Variants in FBLN1 observed in about 807,000 individuals in gnomAD.
FBLN1 encodes fibulin-1.
Under a neutral mutation model 89.7 loss-of-function variants are expected in FBLN1, and 34 were observed. That is an observed-to-expected ratio of 0.38 (90% CI 0.29 to 0.50). The LOEUF (loss-of-function observed/expected upper bound fraction) is 0.50. Among genes scored for constraint, FBLN1 ranks in the 20% least tolerant of loss-of-function variants. The pLI is 0.92. For synonymous variants in FBLN1, 393 were observed against 391.3 expected (o/e 1.00, Z -0.05); for missense variants, 777 against 988.1 (o/e 0.79, Z 2.86).
At chr22:45,521,035 C>G (rs147658827) in intron 2 of FBLN1, among the ~76,000 whole-genome samples, 6 of 151,984 alleles carry the variant, frequency 3.9e-5, no homozygotes, top group African/African-American at 1.2e-4. Flanking sequence ...AGGCTGGTCT[C>G]GAACTCCTGA....
rs1290235767 is a variant in FBLN1 at position 45,583,109 on chromosome 22, T to C, written c.1972+6001T>C. 6.6e-6 allele frequency among the ~76,000 whole-genome samples: 1 copy of C among 152,156 alleles called. No individual in the cohort carries two copies. The highest frequency in any genetic ancestry group is 1.5e-5 in the Non-Finnish European group (1 of 68,016). On this transcript the variant is annotated intron_variant, in intron 16 of 16. Transcript: ENST00000327858. This position sits in a 1 kb window ranked among gnomAD's most constrained non-coding sequence, Gnocchi z 4.5. Reference sequence around the variant, plus strand: ...TGGGACAGCCACCCTGGGGCTGGTATCACCATTTATGTAAGAAAAAAAAGG... The same window carrying C: ...TGGGACAGCCACCCTGGGGCTGGTACCACCATTTATGTAAGAAAAAAAAGG...
At chr22:45,535,952 G>A (rs2088478007) in intron 8 of FBLN1, among the ~76,000 whole-genome samples, 1 of 152,240 alleles carries the variant, frequency 6.6e-6, no homozygotes, top group Admixed American at 6.5e-5. Flanking sequence ...GGAGGCCAAG[G>A]CAGGAGGATT....
At chr22:45,565,384 A>AGGGCAAGCCTCCCCGTG in intron 14 of FBLN1, 1 of 897,612 alleles carries the variant, frequency 1.1e-6, no homozygotes, top group Non-Finnish European at 1.5e-6. Context: ...CCCCACGGGG[A>AGGGCAAGCCTCCCCGTG]GGCTTGCCCT....
intron 14 of FBLN1, chr22:45,564,955 G>A: frequency 6.2e-7 from 1 of 1,614,160 alleles, no homozygotes. Flanking sequence ...GTTCTTCCAT[G>A]GAAGCAGGGG....
chr22:45,585,684 C>T (rs1273728569), intron 16 of FBLN1, among the ~76,000 whole-genome samples: 3 of 152,188 alleles, frequency 2.0e-5, no homozygotes, highest in African/African-American at 7.2e-5. Context: ...GGATCAGCTG[C>T]GGCCTGACTC....
chr22:45,520,597 C>T (rs1166616043), intron 2 of FBLN1, among the ~76,000 whole-genome samples: 2 of 152,152 alleles, frequency 1.3e-5, no homozygotes, highest in African/African-American at 4.8e-5. Flanking sequence ...TTTGGGAAGA[C>T]ACAATTTAGC....
At chr22:45,529,791 T>C (rs2350959) in intron 4 of FBLN1, among the ~76,000 whole-genome samples, 23,544 of 152,122 alleles carry the variant, frequency 0.15, 2,392 homozygotes, top group African/African-American at 0.29. Flanking sequence ...CGCTTGAACC[T>C]GGGAGGCGGA....
rs1012505598 is a variant in FBLN1, at chr22:45,600,559, A to G, written c.*113A>G. On this transcript the variant is annotated 3_prime_UTR_variant, in exon 17 of 17. Coordinates refer to ENST00000327858, the MANE Select transcript of FBLN1 (RefSeq NM_006486.3). ...GACTTTTTTAATGTTAGGTATTTGT[A>G]GCATTAGGCCAACATGTATTAAGCT... 10 of 1,228,840 alleles carry G rather than the reference A, an allele frequency of 8.1e-6. No homozygotes were observed. In the African/African-American group the frequency reaches 1.0e-4, roughly 13 times the overall value. The allele number at this position is 1,228,840 out of a possible 1,614,324, so 76.1% of individuals were successfully genotyped here.
intron 16 of FBLN1, among the ~76,000 whole-genome samples, chr22:45,599,874 G>A (rs537654097): frequency 1.3e-5 from 2 of 152,168 alleles, no homozygotes; most frequent in African/African-American, 2.4e-5. Flanking sequence ...CCGAGATCAC[G>A]CCATTGCACT....
At chr22:45,541,452 A>G in intron 9 of FBLN1, 80 bp downstream of exon 9, 1 of 1,570,118 alleles carries the variant, frequency 6.4e-7, no homozygotes, top group Non-Finnish European at 8.7e-7. Flanking sequence ...GGAAGCAGAA[A>G]GTTGATCCCC....
chr22:45,504,342 G>A (rs948351071), intron 1 of FBLN1, among the ~76,000 whole-genome samples: 1 of 152,164 alleles, frequency 6.6e-6, no homozygotes, highest in Non-Finnish European at 1.5e-5. Flanking sequence ...ACCTCGTGGG[G>A]TTGGAGATGG....
At chr22:45,535,735 A>AT (rs1260402148) in intron 8 of FBLN1, among the ~76,000 whole-genome samples, 4 of 152,154 alleles carry the variant, frequency 2.6e-5, no homozygotes, top group African/African-American at 4.8e-5. Context: ...CTGAGCTTTA[A>AT]TTTTTTCCTC....
chr22:45,516,314 A>C (rs2088169307), intron 1 of FBLN1, among the ~76,000 whole-genome samples: 1 of 151,910 alleles, frequency 6.6e-6, no homozygotes, highest in South Asian at 2.1e-4. Flanking sequence ...ACAGATGGGA[A>C]CTGGGCTTGG....
chr22:45,530,764 A>C lies in FBLN1; in HGVS notation c.485-501A>C, dbSNP rs1181114343. Among the ~76,000 whole-genome samples the C allele has an allele frequency of 6.8e-6, 1 of 147,652 alleles. No individual in the cohort carries two copies. Among genetic ancestry groups the C allele is most frequent in the African/African-American group, 2.6e-5 (1 of 38,340 alleles). On this transcript the variant is annotated intron_variant, in intron 4 of 16. Transcript: ENST00000327858. This position sits in a 1 kb window ranked among gnomAD's most constrained non-coding sequence, Gnocchi z 5.4. ...TTGTGTCTGTGGTCTTTCTGTTATA[A>C]CTGATCTTTTTTTTTTGAAACGGAG...
chr22:45,552,896 G>A (rs562866426), intron 14 of FBLN1, among the ~76,000 whole-genome samples: 5 of 152,204 alleles, frequency 3.3e-5, no homozygotes, highest in Admixed American at 6.5e-5. Context: ...TCATGGGGCC[G>A]GACACATCCT....
intron 2 of FBLN1, among the ~76,000 whole-genome samples, chr22:45,521,783 G>A (rs1235672818): frequency 6.6e-6 from 1 of 152,218 alleles, no homozygotes; most frequent in Admixed American, 6.5e-5. Context: ...TGGATGCGGG[G>A]TGTGGCCAGC....
At chr22:45,529,255 A>G (rs2088371643) in intron 4 of FBLN1, among the ~76,000 whole-genome samples, 1 of 152,198 alleles carries the variant, frequency 6.6e-6, no homozygotes, top group Non-Finnish European at 1.5e-5. Flanking sequence ...TCGCTGGCTA[A>G]TAGCTGGCTA....
At chr22:45,551,372 G>A (rs1337750754) in intron 14 of FBLN1, among the ~76,000 whole-genome samples, 2 of 152,226 alleles carry the variant, frequency 1.3e-5, no homozygotes, top group South Asian at 4.1e-4. Context: ...AGCTGTTTCC[G>A]AGGCCTTGGC....
chr22:45,543,615 C>G, intron 11 of FBLN1, 89 bp downstream of exon 11: 1 of 1,489,378 alleles, frequency 6.7e-7, no homozygotes, highest in South Asian at 1.2e-5. Context: ...GCAGCAGATC[C>G]GCGATGGTTT....
Sources: gnomAD v4.1 joint callset for allele counts (sites outside exome capture counted in the v4.1 genomes callset) on GRCh38, gnomAD v4.1.1 for gene constraint, Gnocchi (gnomAD v3.1) non-coding constraint, MANE v1.5 for transcripts, NCBI Gene and HGNC (gene_info 2026-07-23, HGNC 2026-07-21) for gene names.